Variants in IL15 observed in about 807,000 individuals in gnomAD.
IL15 encodes interleukin 15.
Under a neutral mutation model 19.6 loss-of-function variants are expected in IL15, and 11 were observed. The observed-to-expected ratio is 0.56, with a 90% CI of 0.35 to 0.93. The LOEUF is 0.93. Ranked by LOEUF, IL15 falls within the 40% of genes least tolerant of loss-of-function variation. IL15 has a pLI of 0.01. For missense variants in IL15, 197 were observed against 186.5 expected (o/e 1.06, Z -0.33); for synonymous variants, 58 against 59.6 (o/e 0.97, Z 0.12).
rs191142067 is a variant in IL15 at position 141,680,586 on chromosome 4, A to C, written c.-100+24279A>C. 2.1e-3 allele frequency among the ~76,000 whole-genome samples: 319 copies of C among 152,330 alleles called. 2 individuals are homozygous for C. The highest frequency in any genetic ancestry group is 7.5e-3 in the African/African-American group (310 of 41,584). On this transcript the variant is annotated intron_variant, in intron 2 of 7. Coordinates refer to ENST00000320650, the MANE Select transcript of IL15 (RefSeq NM_000585.5). ...CCACCCTGTGTGCTATTAAAAGCTC[A>C]GAACCTGGGTGTTAGTTTTCACTCA...
chr4:141,712,096 G>A (rs2152186467), intron 2 of IL15, among the ~76,000 whole-genome samples: 1 of 152,160 alleles, frequency 6.6e-6, no homozygotes, highest in African/African-American at 2.4e-5. Context: ...TTTTATGACT[G>A]TTTTGATTGT....
At chr4:141,674,978 C>T (rs1187569158) in intron 2 of IL15, among the ~76,000 whole-genome samples, 1 of 152,130 alleles carries the variant, frequency 6.6e-6, no homozygotes, top group African/African-American at 2.4e-5. Context: ...GTCAGCCAGG[C>T]TGGGCTCTTA....
At chr4:141,645,947 G>C (rs781713868) in intron 1 of IL15, among the ~76,000 whole-genome samples, 3 of 152,072 alleles carry the variant, frequency 2.0e-5, no homozygotes, top group Non-Finnish European at 2.9e-5. Flanking sequence ...TTCTATAAGA[G>C]AGGAAGTTGG....
At chr4:141,642,226 G>A (rs1489535195) in intron 1 of IL15, among the ~76,000 whole-genome samples, 1 of 152,102 alleles carries the variant, frequency 6.6e-6, no homozygotes, top group Non-Finnish European at 1.5e-5. Flanking sequence ...CCTAAAGTGG[G>A]AGAAGGGTAA....
At chr4:141,672,936 GT>G (rs1386550981) in intron 2 of IL15, among the ~76,000 whole-genome samples, 1 of 152,088 alleles carries the variant, frequency 6.6e-6, no homozygotes, top group Non-Finnish European at 1.5e-5. Flanking sequence ...CCTCCACAAA[GT>G]CTTCTGGCCA....
chr4:141,720,482 G>A lies in IL15; in HGVS notation c.26G>A (p.Arg9Lys). ...TATATTTTTCAGAAACCACATTTGA[G>A]AAGTATTTCCATCCAGTGCTACTTG... Reference protein sequence around the residue: MRISKPHLRSISIQCYLCL... With the variant: MRISKPHLKSISIQCYLCL... The change falls in exon 4 of 8, where the codon AGA becomes AAA. Residue 9 changes from arginine to lysine, a missense_variant. Physicochemically the swap from Arg to Lys is conservative, Grantham distance 26. Coordinates refer to ENST00000320650, the MANE Select transcript of IL15 (RefSeq NM_000585.5). 1 of 1,573,874 alleles carries A rather than the reference G, an allele frequency of 6.4e-7. No individual in the cohort carries two copies. Among genetic ancestry groups the A allele is most frequent in the African/African-American group, 1.3e-5 (1 of 74,196 alleles).
intron 2 of IL15, among the ~76,000 whole-genome samples, chr4:141,658,577 GT>G (rs571954923): frequency 1.9e-3 from 288 of 151,842 alleles, no homozygotes; most frequent in African/African-American, 6.6e-3. Context: ...TTCACTTTCA[GT>G]TATAATTTCT....
chr4:141,659,461 G>A (rs1254972262), intron 2 of IL15, among the ~76,000 whole-genome samples: 5 of 152,024 alleles, frequency 3.3e-5, no homozygotes, highest in South Asian at 2.1e-4. Flanking sequence ...TCGGCCTCCC[G>A]AAGTGCTGAG....
intron 2 of IL15, among the ~76,000 whole-genome samples, chr4:141,657,386 A>G (rs1170996070): frequency 6.6e-6 from 1 of 151,978 alleles, no homozygotes. Flanking sequence ...GTCCTACAAA[A>G]TTTATTAAAA....
At chr4:141,669,862 C>T (rs1212353107) in intron 2 of IL15, among the ~76,000 whole-genome samples, 3 of 151,304 alleles carry the variant, frequency 2.0e-5, no homozygotes, top group Non-Finnish European at 4.4e-5. Context: ...TAACTTGGCT[C>T]ATGACAGAGC....
At chr4:141,707,289 G>A (rs1027860800) in intron 2 of IL15, among the ~76,000 whole-genome samples, 1 of 151,898 alleles carries the variant, frequency 6.6e-6, no homozygotes, top group Non-Finnish European at 1.5e-5. Context: ...TATATATTAT[G>A]CATTTCTCAT....
rs911115970 is a variant in IL15, at chr4:141,717,024, G to A, written c.-99-2342G>A. ...TAGCTTATTTTGATTTCACAGGCTCGTGGTTGCAGAACATTTGCCTTCAGG... is the reference window on the plus strand; with the variant it reads ...TAGCTTATTTTGATTTCACAGGCTCATGGTTGCAGAACATTTGCCTTCAGG... On this transcript the variant is annotated intron_variant, in intron 2 of 7. Transcript: ENST00000320650. 2.6e-5 allele frequency: 4 copies of A among 152,162 alleles called. 1 individual carries two copies. Among genetic ancestry groups the A allele is most frequent in the South Asian group, 4.2e-4 (2 of 4,814 alleles). 9.4% of individuals were successfully genotyped at this position (152,162 alleles called of 1,614,324 possible). A position where few individuals can be genotyped will look rare whatever the true frequency, so the allele number is the denominator to read the frequency against.
intron 2 of IL15, among the ~76,000 whole-genome samples, chr4:141,657,336 C>A (rs1727642967): frequency 6.6e-6 from 1 of 152,132 alleles, no homozygotes; most frequent in South Asian, 2.1e-4. Flanking sequence ...TAGGACATTA[C>A]TTCACACTAC....
chr4:141,685,572 G>A (rs545933166), intron 2 of IL15, among the ~76,000 whole-genome samples: 25 of 152,162 alleles, frequency 1.6e-4, no homozygotes, highest in Non-Finnish European at 1.6e-4. Flanking sequence ...TATTTTTTCC[G>A]AGATACAAAT....
intron 2 of IL15, chr4:141,715,058 T>G (rs1258556818): frequency 6.6e-6 from 1 of 152,272 alleles, no homozygotes; most frequent in African/African-American, 2.4e-5. Context: ...GGCTTGCTTT[T>G]TTCAGTTGAT....
intron 2 of IL15, among the ~76,000 whole-genome samples, chr4:141,693,567 T>C (rs906308817): frequency 6.6e-6 from 1 of 152,232 alleles, no homozygotes; most frequent in African/African-American, 2.4e-5. Flanking sequence ...TATTATCAAT[T>C]TTTCCATGAT....
chr4:141,674,844 A>T (rs1728286870), intron 2 of IL15, among the ~76,000 whole-genome samples: 1 of 152,178 alleles, frequency 6.6e-6, no homozygotes, highest in African/African-American at 2.4e-5. Context: ...GCTATGTAAC[A>T]AATCACCACA....
intron 2 of IL15, among the ~76,000 whole-genome samples, chr4:141,708,881 T>C (rs1280085915): frequency 6.6e-6 from 1 of 152,156 alleles, no homozygotes; most frequent in Non-Finnish European, 1.5e-5. Context: ...TGGACAGGTA[T>C]TTTAATTATG....
intron 2 of IL15, among the ~76,000 whole-genome samples, chr4:141,712,759 T>C (rs900489941): frequency 6.6e-6 from 1 of 151,318 alleles, no homozygotes; most frequent in Non-Finnish European, 1.5e-5. Context: ...ATCTTACTGC[T>C]ACCTCTGTCC....
Sources: allele counts gnomAD v4.1 joint callset (sites outside exome capture counted in the v4.1 genomes callset), GRCh38; gene constraint gnomAD v4.1.1; transcripts MANE v1.5; gene names NCBI Gene and HGNC (gene_info 2026-07-23, HGNC 2026-07-21).